CCPG1: variants seen among roughly 807,000 people sequenced by gnomAD.
CCPG1 encodes cell cycle progression protein 1.
In CCPG1, 46 loss-of-function variants were observed where a neutral mutation model predicts 81.3. The observed-to-expected ratio is 0.57, with a 90% CI of 0.45 to 0.72. The LOEUF is 0.72. Among genes scored for constraint, CCPG1 ranks in the 30% least tolerant of loss-of-function variants. The pLI, the probability that CCPG1 is intolerant of heterozygous loss-of-function variation, is 0.00. For missense variants in CCPG1, 902 were observed against 937.6 expected, an observed-to-expected ratio of 0.96 and a Z score of 0.50; for synonymous variants, 330 against 305.2, an observed-to-expected ratio of 1.08 and a Z score of -0.85.
At chr15:55,370,249 G>A (rs778428510) in intron 6 of CCPG1, among the ~76,000 whole-genome samples, 1 of 152,146 alleles carries the variant, frequency 6.6e-6, no homozygotes, top group Non-Finnish European at 1.5e-5. Context: ...TAGGGTACAT[G>A]TAATTCTTCA....
At chr15:55,407,755 A>T (rs1386100895) in intron 1 of CCPG1, 1 of 152,254 alleles carries the variant, frequency 6.6e-6, no homozygotes, top group Non-Finnish European at 1.5e-5. Context: ...TTTAATATTT[A>T]ATCTTTCTAT....
At position 55,355,795 on chromosome 15, in the gene CCPG1, G is replaced by T. The variant is rs987742024; in HGVS notation, c.*425C>A. 1 of 224,830 alleles carries T rather than the reference G, an allele frequency of 4.4e-6. No homozygotes were observed. The highest frequency in any genetic ancestry group is 8.6e-6 in the Non-Finnish European group (1 of 116,846). 13.9% of individuals were successfully genotyped at this position (224,830 alleles called of 1,614,324 possible). On this transcript the variant is annotated 3_prime_UTR_variant, in exon 9 of 9. Coordinates refer to ENST00000442196, the MANE Select transcript of CCPG1 (RefSeq NM_001204450.2). ...ACAAAAAGACAAGAAGTGAGTGTAA[G>T]ATTATAAAATGTTAATGATGAAATT...
At chr15:55,371,771 T>C (rs2056454867) in intron 6 of CCPG1, 22 bp downstream of exon 6, 1 of 1,609,606 alleles carries the variant, frequency 6.2e-7, no homozygotes, top group Non-Finnish European at 8.5e-7. Flanking sequence ...AGGTTATGTA[T>C]AACACATTTT....
intron 6 of CCPG1, among the ~76,000 whole-genome samples, chr15:55,370,015 T>C (rs1375829446): frequency 6.6e-6 from 1 of 152,090 alleles, no homozygotes; most frequent in Admixed American, 6.6e-5. Flanking sequence ...TAAATATATA[T>C]TTCAAATCAA....
intron 6 of CCPG1, 120 bp downstream of exon 6, chr15:55,371,673 T>G: frequency 9.8e-7 from 1 of 1,017,100 alleles, no homozygotes; most frequent in Non-Finnish European, 1.4e-6. Flanking sequence ...CAAACAGGCT[T>G]CAAGTTTTCA....
rs565691027 is a variant in CCPG1, at chr15:55,396,108, C to G, written c.-9-6675G>C. ...GGTGGAGGTTGCAGTGAGCCAAGAT[C>G]GCACCACTGCACTCCAGCCTGGGCA... On this transcript the variant is annotated intron_variant, in intron 1 of 8. Coordinates refer to ENST00000442196, the MANE Select transcript of CCPG1 (RefSeq NM_001204450.2). 9.5e-5 allele frequency among the ~76,000 whole-genome samples: 14 copies of G among 147,948 alleles called. No individual in the cohort carries two copies. The East Asian group carries it at 2.8e-3, about 30-fold the overall frequency.
chr15:55,372,849 G>A (rs1022671591), intron 5 of CCPG1: 16 of 467,512 alleles, frequency 3.4e-5, no homozygotes, highest in Non-Finnish European at 6.1e-5. Context: ...GTTTCCTTGG[G>A]TGTATCTGGT....
intron 1 of CCPG1, among the ~76,000 whole-genome samples, chr15:55,405,178 T>C (rs2141355551): frequency 6.7e-6 from 1 of 149,232 alleles, no homozygotes; most frequent in Admixed American, 6.7e-5. Context: ...CTGACCAACA[T>C]GGAAAAAACT....
At position 55,405,592 on chromosome 15, in the gene CCPG1, C is replaced by T. The variant is rs75806345; in HGVS notation, c.-10+2629G>A. ...AGGCCTGGTGACATGTGCCTGTAGCCCCAGCTATGTGGGAGGCTGTGTTGG... is the reference window on the plus strand; with the variant it reads ...AGGCCTGGTGACATGTGCCTGTAGCTCCAGCTATGTGGGAGGCTGTGTTGG... On this transcript the variant is annotated intron_variant, in intron 1 of 8. Coordinates refer to ENST00000442196, the MANE Select transcript of CCPG1 (RefSeq NM_001204450.2). 7.5e-3 allele frequency among the ~76,000 whole-genome samples: 1,143 copies of T among 152,088 alleles called. 13 individuals are homozygous for T. Among genetic ancestry groups the T allele is most frequent in the African/African-American group, 0.023 (969 of 41,494 alleles).
At chr15:55,363,886 C>T (rs2141249978) in intron 7 of CCPG1, among the ~76,000 whole-genome samples, 1 of 138,992 alleles carries the variant, frequency 7.2e-6, no homozygotes, top group Non-Finnish European at 1.5e-5. Context: ...TTACTATAAC[C>T]TCTGCCTCCT....
chr15:55,393,323 C>T (rs1211650555), intron 1 of CCPG1, among the ~76,000 whole-genome samples: 3 of 151,994 alleles, frequency 2.0e-5, no homozygotes, highest in African/African-American at 7.2e-5. Context: ...ACCTGTTGTC[C>T]TAGCTACTTG....
intron 6 of CCPG1, among the ~76,000 whole-genome samples, chr15:55,368,381 T>C (rs1412178845): frequency 6.6e-6 from 1 of 152,208 alleles, no homozygotes; most frequent in East Asian, 1.9e-4. Context: ...ATAAACTTAC[T>C]ATGATTAGAC....
intron 6 of CCPG1, among the ~76,000 whole-genome samples, 182 bp from the exon 7 acceptor site, chr15:55,365,491 G>T (rs1430928016): frequency 6.8e-6 from 1 of 146,232 alleles, no homozygotes; most frequent in Admixed American, 7.0e-5. Context: ...TATGATCTCA[G>T]CTCACTGCAA....
rs2056581204 is a variant in CCPG1 at position 55,377,020 on chromosome 15, GCTT to G, written c.380_382del (p.Glu127del). On this transcript the variant is annotated inframe_deletion, in exon 5 of 9. Transcript: ENST00000442196. ...CATGTTAAAGTCTTCTGAACTCTGT[GCTT>G]CTTCAACAATGACAACTTCTTGATT... 1.9e-6 allele frequency: 3 copies of G among 1,613,710 alleles called. No individual in the cohort carries two copies. Among genetic ancestry groups the G allele is most frequent in the African/African-American group, 1.3e-5 (1 of 74,898 alleles).
rs571610635 is a variant in CCPG1, at chr15:55,389,084, A to G, written c.60+281T>C. ...ACTCTGTCTCAAAAAAAAAAAAAAA[A>G]AAAAAGACAAAATTATATGAAAATG... On this transcript the variant is annotated intron_variant, in intron 2 of 8. Coordinates refer to ENST00000442196, the MANE Select transcript of CCPG1 (RefSeq NM_001204450.2). Among the ~76,000 whole-genome samples, 18 of 150,712 alleles carry G rather than the reference A, an allele frequency of 1.2e-4. No individual in the cohort carries two copies. The East Asian group carries it at 3.3e-3, about 28-fold the overall frequency.
At chr15:55,384,650 C>T (rs112496970) in intron 3 of CCPG1, among the ~76,000 whole-genome samples, 10 of 151,772 alleles carry the variant, frequency 6.6e-5, no homozygotes, top group Non-Finnish European at 1.2e-4. Context: ...AGCGAAACTC[C>T]GCCAATTCAA....
At chr15:55,406,635 G>A (rs944927334) in intron 1 of CCPG1, among the ~76,000 whole-genome samples, 5 of 150,526 alleles carry the variant, frequency 3.3e-5, no homozygotes, top group Non-Finnish European at 7.4e-5. Context: ...GGGTTTCACC[G>A]TGTCGGCCAG....
At chr15:55,379,214 CAT>C (rs2056629650) in intron 3 of CCPG1, among the ~76,000 whole-genome samples, 2 of 128,250 alleles carry the variant, frequency 1.6e-5, no homozygotes, top group Admixed American at 7.7e-5. Context: ...TATAAGAAAA[CAT>C]AAACTATAAA....
intron 7 of CCPG1, among the ~76,000 whole-genome samples, chr15:55,361,166 G>GT (rs368032485): frequency 2.6e-5 from 4 of 151,002 alleles, no homozygotes; most frequent in African/African-American, 9.7e-5. Flanking sequence ...ACAGCATGGT[G>GT]TAAGAATTTT....
Sources: allele counts gnomAD v4.1 joint callset (sites outside exome capture counted in the v4.1 genomes callset), GRCh38; gene constraint gnomAD v4.1.1; transcripts MANE v1.5; gene names NCBI Gene and HGNC (gene_info 2026-07-23, HGNC 2026-07-21).